SYN2: variants seen among roughly 807,000 people sequenced by gnomAD.
SYN2 encodes synapsin II.
Under a neutral mutation model 50.9 loss-of-function variants are expected in SYN2, and 19 were observed. The ratio of observed to expected loss-of-function variants is 0.37; its 90% confidence interval spans 0.26 to 0.55. The LOEUF (loss-of-function observed/expected upper bound fraction) is 0.55. Ranked by LOEUF, SYN2 falls within the 20% of genes least tolerant of loss-of-function variation. SYN2 has a pLI of 0.81. For missense variants in SYN2, 587 were observed against 576.4 expected (o/e 1.02, Z -0.19); for synonymous variants, 255 against 224.9 (o/e 1.13, Z -1.20).
rs552115136 is a variant in SYN2, at chr3:12,174,339, A to G, written c.1308+4433A>G. On this transcript the variant is annotated intron_variant, in intron 10 of 12. Coordinates refer to ENST00000621198, the MANE Select transcript of SYN2 (RefSeq NM_133625.6). ...TTTTCCCCTTAGTCCTGTCCCCCCA[A>G]CATTGTTTTTCCCTAGCAATTTATG... Among the ~76,000 whole-genome samples, 3 of 151,618 alleles carry G rather than the reference A, an allele frequency of 2.0e-5. No homozygotes were observed. In the East Asian group the frequency reaches 5.9e-4, roughly 30 times the overall value.
chr3:12,062,661 G>A (rs535973199), intron 1 of SYN2, among the ~76,000 whole-genome samples: 8 of 152,022 alleles, frequency 5.3e-5, no homozygotes, highest in African/African-American at 9.6e-5. Flanking sequence ...AATAAGAAGC[G>A]TAGACAGTTT....
rs146782698 is a variant in SYN2, at chr3:12,013,138, T to G, written c.377+8210T>G. Among the ~76,000 whole-genome samples, 444 of 152,350 alleles carry G rather than the reference T, an allele frequency of 2.9e-3. 3 individuals are homozygous for G. Among genetic ancestry groups the G allele is most frequent in the African/African-American group, 9.9e-3 (413 of 41,576 alleles). On this transcript the variant is annotated intron_variant, in intron 1 of 12. Coordinates refer to ENST00000621198, the MANE Select transcript of SYN2 (RefSeq NM_133625.6). Reference sequence around the variant, plus strand: ...CATTCTTTGTTCCTTTTTAAAATTTTTAAATAGTTTTGTAAAGACAAGATC... The same window carrying G: ...CATTCTTTGTTCCTTTTTAAAATTTGTAAATAGTTTTGTAAAGACAAGATC...
Position 12,168,565 on chromosome 3 carries a change from T to G in SYN2, c.1158+87T>G. On this transcript the variant is annotated intron_variant, in intron 9 of 12. Coordinates refer to ENST00000621198, the MANE Select transcript of SYN2 (RefSeq NM_133625.6). The stretch of plus-strand genomic sequence containing the variant: ...AGACTGCCTTTAATTTGGAGTCTCC[T>G]GAACCATGGAAATGTTCCAGCAAGA... 3 of 1,133,506 alleles carry G rather than the reference T, an allele frequency of 2.6e-6. No individual in the cohort carries two copies. In the East Asian group the frequency reaches 7.6e-5, roughly 29 times the overall value. 70.2% of individuals were successfully genotyped at this position (1,133,506 alleles called of 1,614,324 possible). A position where few individuals can be genotyped will look rare whatever the true frequency, so the allele number is the denominator to read the frequency against.
intron 1 of SYN2, among the ~76,000 whole-genome samples, chr3:12,100,815 G>A (rs1477022410): frequency 1.3e-5 from 2 of 151,960 alleles, no homozygotes; most frequent in Non-Finnish European, 2.9e-5. Context: ...GATTTAAATA[G>A]ACATTTCTCT....
At chr3:12,116,368 A>AGG (rs1162758040) in intron 1 of SYN2, among the ~76,000 whole-genome samples, 2 of 152,208 alleles carry the variant, frequency 1.3e-5, no homozygotes, top group Non-Finnish European at 2.9e-5. Context: ...AAGAAGGAAA[A>AGG]GGAAAAGGTT....
chr3:12,114,853 C>T (rs533783755), intron 1 of SYN2, among the ~76,000 whole-genome samples: 29 of 152,256 alleles, frequency 1.9e-4, no homozygotes, highest in African/African-American at 5.8e-4. Flanking sequence ...ACAAGGAGAA[C>T]GTAGCAGTGC....
At chr3:12,097,224 G>A (rs2125186318) in intron 1 of SYN2, among the ~76,000 whole-genome samples, 1 of 152,276 alleles carries the variant, frequency 6.6e-6, no homozygotes, top group South Asian at 2.1e-4. Context: ...GCACACGTAT[G>A]TTTATTGCGG....
intron 5 of SYN2, among the ~76,000 whole-genome samples, chr3:12,155,757 A>G (rs1697437573): frequency 6.6e-6 from 1 of 152,166 alleles, no homozygotes; most frequent in South Asian, 2.1e-4. Context: ...GGCAGGGAAC[A>G]TGTTTCCTCA....
rs79027454 is a variant in SYN2, at chr3:12,135,724, G to A, written c.378-4927G>A. Among the ~76,000 whole-genome samples, 1,341 of 152,304 alleles carry A rather than the reference G, an allele frequency of 8.8e-3. 18 individuals are homozygous for A. Among genetic ancestry groups the A allele is most frequent in the African/African-American group, 0.031 (1,277 of 41,560 alleles). On this transcript the variant is annotated intron_variant, in intron 1 of 12. Coordinates refer to ENST00000621198, the MANE Select transcript of SYN2 (RefSeq NM_133625.6). ...TGACACATGTGAGAAGAAGATGGCA[G>A]GGCCTGCAGAAATAGGCTCTGTCCT... is the stretch of plus-strand genomic sequence containing the variant.
intron 1 of SYN2, among the ~76,000 whole-genome samples, chr3:12,080,235 T>G (rs973433040): frequency 6.6e-6 from 1 of 152,092 alleles, no homozygotes. Flanking sequence ...TATGAATTTT[T>G]TCAAAACAAC....
intron 1 of SYN2, among the ~76,000 whole-genome samples, chr3:12,049,055 A>G (rs551522996): frequency 1.3e-5 from 2 of 152,304 alleles, no homozygotes; most frequent in African/African-American, 4.8e-5. Flanking sequence ...AAGTTTGGGA[A>G]TGTACATGGA....
At chr3:12,107,348 G>A (rs13079332) in intron 1 of SYN2, among the ~76,000 whole-genome samples, 7,532 of 152,252 alleles carry the variant, frequency 0.049, 209 homozygotes, top group Non-Finnish European at 0.066. Context: ...TCCTGTTTGA[G>A]TAGATTTTTA....
chr3:12,033,263 GAGAACCAC>G (rs1216043675), intron 1 of SYN2, among the ~76,000 whole-genome samples: 5 of 152,166 alleles, frequency 3.3e-5, no homozygotes, highest in Admixed American at 3.3e-4. Flanking sequence ...TGCGTGCTGG[GAGAACCAC>G]TGCTCTCTTC....
At chr3:12,115,364 T>C (rs1284458520) in intron 1 of SYN2, among the ~76,000 whole-genome samples, 1 of 152,190 alleles carries the variant, frequency 6.6e-6, no homozygotes, top group Non-Finnish European at 1.5e-5. Context: ...AGAATCTAGC[T>C]CTGTAAGTAA....
At chr3:12,083,278 T>C (rs918978176) in intron 1 of SYN2, among the ~76,000 whole-genome samples, 3 of 152,154 alleles carry the variant, frequency 2.0e-5, no homozygotes, top group African/African-American at 7.2e-5. Context: ...TCCCAAAGTG[T>C]TGGGATTACA....
intron 1 of SYN2, among the ~76,000 whole-genome samples, chr3:12,018,826 AG>A (rs1395150543): frequency 6.6e-6 from 1 of 152,224 alleles, no homozygotes; most frequent in Non-Finnish European, 1.5e-5. Flanking sequence ...CTGAAACTCT[AG>A]TAACTGGTGG....
intron 1 of SYN2, among the ~76,000 whole-genome samples, chr3:12,093,804 C>G (rs1695876092): frequency 1.3e-5 from 2 of 152,036 alleles, no homozygotes; most frequent in Non-Finnish European, 2.9e-5. Context: ...ATCTCTATCC[C>G]CTGACTGCCT....
chr3:12,092,475 T>A lies in SYN2; in HGVS notation c.378-48176T>A, dbSNP rs76886587. On this transcript the variant is annotated intron_variant, in intron 1 of 12. Transcript: ENST00000621198. ...GGGGAGCATAGAGGAAGAAGTAAGT[T>A]AGTTTACCTGGAGGGGTCATATCTG... Among the ~76,000 whole-genome samples the A allele has an allele frequency of 1.4e-4, 22 of 152,260 alleles. No individual in the cohort carries two copies. In the East Asian group the frequency reaches 4.2e-3, roughly 29 times the overall value.
intron 1 of SYN2, among the ~76,000 whole-genome samples, chr3:12,048,648 A>G (rs1436543265): frequency 6.6e-6 from 1 of 152,206 alleles, no homozygotes; most frequent in African/African-American, 2.4e-5. Flanking sequence ...GGATAAGACA[A>G]TCTAAGGAGT....
Sources: gnomAD v4.1 joint callset for allele counts (sites outside exome capture counted in the v4.1 genomes callset) on GRCh38, gnomAD v4.1.1 for gene constraint, MANE v1.5 for transcripts, NCBI Gene and HGNC (gene_info 2026-07-23, HGNC 2026-07-21) for gene names.